KALRN: variants seen among roughly 807,000 people sequenced by gnomAD.
The protein encoded by KALRN is kalirin RhoGEF kinase.
Under a neutral mutation model 353.7 loss-of-function variants are expected in KALRN, and 70 were observed. That is an observed-to-expected ratio of 0.20 (90% CI 0.16 to 0.24). The LOEUF (loss-of-function observed/expected upper bound fraction) is 0.24. Among genes scored for constraint, KALRN ranks in the 10% least tolerant of loss-of-function variants. The probability of loss-of-function intolerance (pLI) is 1.00; values close to 1 mark genes in which losing one functional copy is unlikely to be tolerated. For synonymous variants in KALRN, 1,391 were observed against 1,434.8 expected (o/e 0.97, Z 0.69); for missense variants, 2,791 against 3,756.7 (o/e 0.74, Z 6.72).
At chr3:124,189,486 CAT>C (rs1224597343) in intron 1 of KALRN, among the ~76,000 whole-genome samples, 1 of 152,098 alleles carries the variant, frequency 6.6e-6, no homozygotes, top group Non-Finnish European at 1.5e-5. Context: ...CTGGAGGTGT[CAT>C]ATATGCAAGA....
At chr3:124,090,083 G>C (rs926864244) in intron 1 of KALRN, among the ~76,000 whole-genome samples, 1 of 152,166 alleles carries the variant, frequency 6.6e-6, no homozygotes, top group Non-Finnish European at 1.5e-5. Flanking sequence ...CCTGAAGGAG[G>C]AGAGGGGACT....
chr3:124,666,749 C>A (rs904233394), intron 46 of KALRN, 115 bp downstream of exon 46: 2 of 871,254 alleles, frequency 2.3e-6, no homozygotes, highest in African/African-American at 3.3e-5. Context: ...ATCTTTCAGC[C>A]GAATAACATT....
chr3:124,187,120 G>A (rs12054410), intron 1 of KALRN, among the ~76,000 whole-genome samples: 25,664 of 152,002 alleles, frequency 0.17, 2,612 homozygotes, highest in East Asian at 0.49. Flanking sequence ...TCACTCTGTC[G>A]CCCAGGCTGG....
At chr3:124,617,295 C>A (rs896793762) in intron 34 of KALRN, among the ~76,000 whole-genome samples, 8 of 152,270 alleles carry the variant, frequency 5.3e-5, no homozygotes, top group African/African-American at 1.9e-4. Flanking sequence ...CATTGAGCCA[C>A]TGCACTCCAG....
intron 23 of KALRN, among the ~76,000 whole-genome samples, chr3:124,460,026 G>T (rs1375370728): frequency 1.3e-5 from 2 of 152,108 alleles, no homozygotes; most frequent in African/African-American, 2.4e-5. Context: ...GTGAGGGGAG[G>T]GTCTGTTCCA....
At chr3:124,178,014 C>T (rs182658610) in intron 1 of KALRN, among the ~76,000 whole-genome samples, 15 of 152,250 alleles carry the variant, frequency 9.9e-5, no homozygotes, top group South Asian at 2.1e-4. Context: ...GGCAGAAACC[C>T]GGGTTCTACC....
At chr3:124,399,851 T>C (rs1384018158) in intron 13 of KALRN, among the ~76,000 whole-genome samples, 1 of 152,222 alleles carries the variant, frequency 6.6e-6, no homozygotes, top group East Asian at 1.9e-4. Flanking sequence ...TTTAATATTT[T>C]CTGCTTTGAA....
chr3:124,494,149 G>C (rs2063471288), intron 32 of KALRN, among the ~76,000 whole-genome samples: 1 of 152,148 alleles, frequency 6.6e-6, no homozygotes, highest in Non-Finnish European at 1.5e-5. Context: ...ACATGGGAAA[G>C]GCATATCTTG....
chr3:124,105,002 T>C (rs1235239058), intron 1 of KALRN, among the ~76,000 whole-genome samples: 2 of 152,032 alleles, frequency 1.3e-5, no homozygotes, highest in Non-Finnish European at 2.9e-5. Context: ...GCAAGGGTCA[T>C]GGGGAACTTC....
In KALRN at chr3:124,636,642, CAG is replaced by C. The variant is rs148869246; in HGVS notation, c.5569-563_5569-562del. On this transcript the variant is annotated intron_variant, in intron 36 of 59. Coordinates refer to ENST00000682506, the MANE Select transcript of KALRN (RefSeq NM_001388419.1). ...TCAGGGGCAGAGCGGGAGAGGAAGA[CAG>C]AGGGAGAGAATATAGGAAGGGAGTA... Among the ~76,000 whole-genome samples the C allele has an allele frequency of 5.5e-3, 839 of 152,194 alleles. 6 individuals carry two copies. Among genetic ancestry groups the C allele is most frequent in the South Asian group, 8.8e-3 (42 of 4,798 alleles).
At chr3:124,276,153 A>G (rs1286178624) in intron 5 of KALRN, among the ~76,000 whole-genome samples, 3 of 152,170 alleles carry the variant, frequency 2.0e-5, no homozygotes, top group Non-Finnish European at 4.4e-5. Context: ...TATGCATTTT[A>G]ATATTCTTGG....
chr3:124,309,677 A>C (rs75780820), intron 6 of KALRN, among the ~76,000 whole-genome samples: 8 of 152,160 alleles, frequency 5.3e-5, no homozygotes, highest in Non-Finnish European at 1.2e-4. Context: ...GAAAAAAAAA[A>C]CAAAAATCAT....
At chr3:124,439,135 CTCTCTT>C (rs1277142916) in intron 18 of KALRN, 98 bp downstream of exon 18, 13 of 1,250,004 alleles carry the variant, frequency 1.0e-5, no homozygotes, top group South Asian at 1.5e-5. Context: ...TTCTCTTTCT[CTCTCTT>C]TCTCTTTCTC....
Position 124,632,532 on chromosome 3 carries a change from C to A in KALRN, c.5295C>A (p.Ser1765=). 6.2e-7 allele frequency: 1 copy of A among 1,614,198 alleles called. No individual in the cohort carries two copies. The highest frequency in any genetic ancestry group is 1.1e-5 in the South Asian group (1 of 91,082). The change falls in exon 35 of 60, where the codon TCC becomes TCA. Residue 1765 remains serine (S), a synonymous_variant. Coordinates refer to ENST00000682506, the MANE Select transcript of KALRN (RefSeq NM_001388419.1). ...ACAGTTCCCCGGGTCCCAAGCGCTCCACCAACACTCTTAAGAAGTGGCTGA... is the reference window on the plus strand; with the variant it reads ...ACAGTTCCCCGGGTCCCAAGCGCTCAACCAACACTCTTAAGAAGTGGCTGA... ...SIHSSPGPKR[S]TNTLKKWLTS...
In KALRN at chr3:124,401,437, G is replaced by A. The variant is rs144189481; in HGVS notation, c.2346+2566G>A. Among the ~76,000 whole-genome samples, 285 of 152,294 alleles carry A rather than the reference G, an allele frequency of 1.9e-3. 1 individual carries two copies. Among genetic ancestry groups the A allele is most frequent in the African/African-American group, 6.5e-3 (269 of 41,568 alleles). The stretch of plus-strand genomic sequence containing the variant: ...GTAGGATCACTTGAGCCCAGGAGGC[G>A]GAGGTTGCAGTGAGCTGTGATCACA... On this transcript the variant is annotated intron_variant, in intron 13 of 59. Coordinates refer to ENST00000682506, the MANE Select transcript of KALRN (RefSeq NM_001388419.1).
At chr3:124,362,501 A>G (rs574845717) in intron 10 of KALRN, among the ~76,000 whole-genome samples, 1 of 152,372 alleles carries the variant, frequency 6.6e-6, no homozygotes, top group South Asian at 2.1e-4. Flanking sequence ...CACAAGGCAT[A>G]TGCCCAGCTA....
At chr3:124,512,218 A>G (rs750843981) in intron 33 of KALRN, among the ~76,000 whole-genome samples, 6 of 152,252 alleles carry the variant, frequency 3.9e-5, no homozygotes, top group Non-Finnish European at 8.8e-5. Context: ...GGCCAGTGAC[A>G]TAAACTAGTA....
At chr3:124,075,343 C>T (rs2060210527) in intron 1 of KALRN, among the ~76,000 whole-genome samples, 1 of 152,192 alleles carries the variant, frequency 6.6e-6, no homozygotes, top group Non-Finnish European at 1.5e-5. Context: ...GCCCTCACTG[C>T]AGTTTCAACC....
intron 45 of KALRN, among the ~76,000 whole-genome samples, chr3:124,663,881 C>T (rs1216770085): frequency 2.6e-5 from 4 of 152,140 alleles, no homozygotes; most frequent in Non-Finnish European, 5.9e-5. Flanking sequence ...GGATTCATGA[C>T]ATTCTTGAGC....
Sources: gnomAD v4.1 joint callset for allele counts (sites outside exome capture counted in the v4.1 genomes callset) on GRCh38, gnomAD v4.1.1 for gene constraint, MANE v1.5 for transcripts, NCBI Gene and HGNC (gene_info 2026-07-23, HGNC 2026-07-21) for gene names.